The following IMMP2L variants were observed in gnomAD, a reference collection of about 807,000 sequenced individuals.
IMMP2L encodes the protein mitochondrial inner membrane protease subunit 2.
Under a neutral mutation model 19.3 loss-of-function variants are expected in IMMP2L, and 18 were observed. The observed-to-expected ratio is 0.93, with a 90% CI of 0.64 to 1.38. The LOEUF (loss-of-function observed/expected upper bound fraction) is 1.38, where lower values mean the gene tolerates loss of function less well. IMMP2L is among the 40% of genes most tolerant of loss of function. The pLI is 0.00. For synonymous variants in IMMP2L, 76 were observed against 73.0 expected, an observed-to-expected ratio of 1.04 and a Z score of -0.21; for missense variants, 233 against 218.2, an observed-to-expected ratio of 1.07 and a Z score of -0.43.
At chr7:110,683,103 T>C (rs1792849960) in intron 5 of IMMP2L, among the ~76,000 whole-genome samples, 1 of 152,096 alleles carries the variant, frequency 6.6e-6, no homozygotes, top group Non-Finnish European at 1.5e-5. Context: ...AAACTGCAGC[T>C]ATTTGGGTTT....
intron 5 of IMMP2L, among the ~76,000 whole-genome samples, chr7:110,769,023 G>C (rs1031357377): frequency 1.3e-5 from 2 of 152,304 alleles, no homozygotes; most frequent in South Asian, 2.1e-4. Flanking sequence ...AAAATAAACA[G>C]AGTATGCTGC....
intron 4 of IMMP2L, among the ~76,000 whole-genome samples, chr7:110,891,702 T>C (rs1043615826): frequency 2.4e-4 from 36 of 151,942 alleles, no homozygotes; most frequent in African/African-American, 8.5e-4. Context: ...GATAGACACT[T>C]GAAAAAGAAC....
intron 3 of IMMP2L, among the ~76,000 whole-genome samples, chr7:111,020,659 G>A (rs1362276866): frequency 6.6e-6 from 1 of 152,164 alleles, no homozygotes; most frequent in South Asian, 2.1e-4. Context: ...CTACTCAGGA[G>A]GCTGAGGTGG....
At chr7:110,983,565 C>T (rs1435448550) in intron 3 of IMMP2L, among the ~76,000 whole-genome samples, 3 of 152,040 alleles carry the variant, frequency 2.0e-5, no homozygotes, top group African/African-American at 7.2e-5. Flanking sequence ...TCATTGCAAT[C>T]ACTCTTAGTT....
chr7:111,445,321 C>A (rs1838222820), intron 3 of IMMP2L, among the ~76,000 whole-genome samples: 1 of 151,954 alleles, frequency 6.6e-6, no homozygotes, highest in South Asian at 2.1e-4. Flanking sequence ...TGAGGACCAG[C>A]TCCCCAAGTC....
chr7:110,962,991 C>T, intron 4 of IMMP2L: 1 of 1,492,156 alleles, frequency 6.7e-7, no homozygotes, highest in Non-Finnish European at 8.8e-7. Flanking sequence ...CTAAAGGCTG[C>T]TTAAACACCT....
At chr7:110,691,869 A>G (rs566816715) in intron 5 of IMMP2L, among the ~76,000 whole-genome samples, 1 of 152,354 alleles carries the variant, frequency 6.6e-6, no homozygotes, top group Admixed American at 6.5e-5. Context: ...AATGTAAATT[A>G]GTGCAACCTC....
At chr7:111,204,166 T>C (rs988213635) in intron 3 of IMMP2L, among the ~76,000 whole-genome samples, 2 of 152,208 alleles carry the variant, frequency 1.3e-5, no homozygotes, top group Admixed American at 6.5e-5. Flanking sequence ...TGTCCAACAA[T>C]GTTTCAACGA....
At chr7:111,288,220 G>T (rs1820708376) in intron 3 of IMMP2L, among the ~76,000 whole-genome samples, 2 of 152,044 alleles carry the variant, frequency 1.3e-5, no homozygotes, top group Admixed American at 1.3e-4. Context: ...GTGGTCAAAG[G>T]GAAGAGATAT....
At chr7:110,999,148 T>C (rs1188011389) in intron 3 of IMMP2L, among the ~76,000 whole-genome samples, 2 of 152,146 alleles carry the variant, frequency 1.3e-5, no homozygotes. Context: ...CATTTTTTTC[T>C]TCTCTTGAAG....
At chr7:111,202,486 G>T (rs981517064) in intron 3 of IMMP2L, among the ~76,000 whole-genome samples, 2 of 152,056 alleles carry the variant, frequency 1.3e-5, no homozygotes, top group Admixed American at 1.3e-4. Flanking sequence ...AAACCCAACG[G>T]GGCAAAGATG....
chr7:110,694,286 T>G (rs1367960978), intron 5 of IMMP2L, among the ~76,000 whole-genome samples: 3 of 152,118 alleles, frequency 2.0e-5, no homozygotes, highest in Non-Finnish European at 4.4e-5. Flanking sequence ...CTTAGAACAA[T>G]TGGATCCTGA....
At chr7:111,467,983 ACATCT>A (rs1280437326) in intron 3 of IMMP2L, among the ~76,000 whole-genome samples, 2 of 152,170 alleles carry the variant, frequency 1.3e-5, no homozygotes, top group African/African-American at 2.4e-5. Flanking sequence ...TAGAGAACTA[ACATCT>A]CATCTCATCT....
chr7:111,421,550 G>A (rs1219242089), intron 3 of IMMP2L, among the ~76,000 whole-genome samples: 1 of 151,566 alleles, frequency 6.6e-6, no homozygotes, highest in East Asian at 1.9e-4. Flanking sequence ...GATTACAAGC[G>A]TGAGCCACCG....
At chr7:110,854,554 A>C (rs963796773) in intron 5 of IMMP2L, among the ~76,000 whole-genome samples, 4 of 151,970 alleles carry the variant, frequency 2.6e-5, no homozygotes, top group African/African-American at 9.7e-5. Context: ...TTACTGAATA[A>C]CTCCATATTG....
At chr7:111,546,298 C>G (rs552186984) in intron 1 of IMMP2L, among the ~76,000 whole-genome samples, 9 of 152,222 alleles carry the variant, frequency 5.9e-5, no homozygotes, top group Admixed American at 3.9e-4. Flanking sequence ...TAGCAATGAT[C>G]ACACTTGCCT....
At chr7:110,904,268 C>T (rs1057224648) in intron 4 of IMMP2L, among the ~76,000 whole-genome samples, 7 of 152,212 alleles carry the variant, frequency 4.6e-5, no homozygotes, top group South Asian at 2.1e-4. Flanking sequence ...TAGTGCCACT[C>T]GTTTATTTTT....
chr7:111,220,086 G>A (rs1051115445), intron 3 of IMMP2L, among the ~76,000 whole-genome samples: 4 of 151,916 alleles, frequency 2.6e-5, no homozygotes, highest in African/African-American at 9.7e-5. Flanking sequence ...AAAAGTAATT[G>A]CAATGTTTGC....
intron 5 of IMMP2L, among the ~76,000 whole-genome samples, chr7:110,795,648 T>A (rs1049782123): frequency 1.2e-4 from 18 of 152,034 alleles, no homozygotes; most frequent in Non-Finnish European, 2.1e-4. Flanking sequence ...GGATGCACAG[T>A]CAATCTGGGA....
Sources: gnomAD v4.1 joint callset for allele counts (sites outside exome capture counted in the v4.1 genomes callset) on GRCh38, gnomAD v4.1.1 for gene constraint, MANE v1.5 for transcripts, NCBI Gene and HGNC (gene_info 2026-07-23, HGNC 2026-07-21) for gene names.